FNDC3B: variants seen among roughly 807,000 people sequenced by gnomAD.
The protein encoded by FNDC3B is fibronectin type III domain containing 3B.
Under a neutral mutation model 151.5 loss-of-function variants are expected in FNDC3B, and 12 were observed. That is an observed-to-expected ratio of 0.08 (90% CI 0.05 to 0.13). FNDC3B has a LOEUF of 0.13. Ranked by LOEUF, FNDC3B falls within the 10% of genes least tolerant of loss-of-function variation. The pLI, the probability that FNDC3B is intolerant of heterozygous loss-of-function variation, is 1.00. For missense variants in FNDC3B, 1,214 were observed against 1,505.3 expected, an observed-to-expected ratio of 0.81 and a Z score of 3.20; for synonymous variants, 528 against 549.0, an observed-to-expected ratio of 0.96 and a Z score of 0.54.
chr3:172,204,389 G>A (rs543208495), intron 3 of FNDC3B, among the ~76,000 whole-genome samples: 1 of 152,276 alleles, frequency 6.6e-6, no homozygotes, highest in East Asian at 1.9e-4. Flanking sequence ...GGCTGCCTTG[G>A]CAAATAGAAT....
At chr3:172,286,089 C>T (rs1221062909) in intron 7 of FNDC3B, 105 bp downstream of exon 7, 11 of 781,810 alleles carry the variant, frequency 1.4e-5, no homozygotes, top group Non-Finnish European at 2.4e-5. Context: ...GGGCTCTTTC[C>T]CTTTGCAGAT....
intron 11 of FNDC3B, among the ~76,000 whole-genome samples, chr3:172,325,698 G>A (rs542363662): frequency 2.0e-5 from 3 of 152,334 alleles, no homozygotes; most frequent in Middle Eastern, 3.4e-3. Context: ...AGACCAGCAC[G>A]CTGGCATCGG....
intron 6 of FNDC3B, among the ~76,000 whole-genome samples, chr3:172,277,513 T>A (rs1004461499): frequency 2.6e-5 from 4 of 152,222 alleles, no homozygotes; most frequent in Non-Finnish European, 4.4e-5. Context: ...TCTAATTACC[T>A]TCTAATGCCA....
intron 3 of FNDC3B, among the ~76,000 whole-genome samples, chr3:172,190,553 A>G: frequency 6.6e-6 from 1 of 152,356 alleles, no homozygotes; most frequent in Non-Finnish European, 1.5e-5. Flanking sequence ...TGGATAAACT[A>G]ATTAAACCAT....
At chr3:172,134,453 G>A in intron 3 of FNDC3B, 2 of 503,188 alleles carry the variant, frequency 4.0e-6, no homozygotes, top group Non-Finnish European at 8.0e-6. Flanking sequence ...TCAGTATTAG[G>A]TTATTAATTG....
intron 3 of FNDC3B, among the ~76,000 whole-genome samples, chr3:172,223,094 T>C (rs2108734793): frequency 2.0e-5 from 3 of 152,360 alleles, no homozygotes; most frequent in Middle Eastern, 6.8e-3. Context: ...TAGCAGACTT[T>C]TAGGAACTTT....
intron 21 of FNDC3B, among the ~76,000 whole-genome samples, chr3:172,348,988 G>A (rs1486296074): frequency 3.3e-5 from 5 of 152,114 alleles, no homozygotes; most frequent in Non-Finnish European, 7.4e-5. Context: ...TGAATATATG[G>A]CACTTAAGAA....
At chr3:172,093,260 ATTTTTTTTTT>A (rs750469529) in intron 1 of FNDC3B, among the ~76,000 whole-genome samples, 1 of 138,498 alleles carries the variant, frequency 7.2e-6, no homozygotes, top group Non-Finnish European at 1.6e-5. Context: ...CACCCAGCTA[ATTTTTTTTTT>A]TTTTTTGAGA....
chr3:172,135,747 C>A (rs924794517), intron 3 of FNDC3B, among the ~76,000 whole-genome samples: 5 of 152,100 alleles, frequency 3.3e-5, no homozygotes, highest in African/African-American at 4.8e-5. Context: ...AGGCTGAACC[C>A]CAAATTCAGA....
intron 23 of FNDC3B, among the ~76,000 whole-genome samples, chr3:172,367,814 A>T (rs1030679607): frequency 6.6e-6 from 1 of 152,194 alleles, no homozygotes; most frequent in African/African-American, 2.4e-5. Flanking sequence ...GTTTAGTCAG[A>T]CAGCCAGTGT....
At chr3:172,194,378 A>C (rs1394363684) in intron 3 of FNDC3B, among the ~76,000 whole-genome samples, 1 of 150,544 alleles carries the variant, frequency 6.6e-6, no homozygotes, top group Non-Finnish European at 1.5e-5. Context: ...CTTGTCGTTG[A>C]TGGATGACCT....
chr3:172,268,606 C>G (rs1164599773), intron 6 of FNDC3B, among the ~76,000 whole-genome samples: 1 of 152,084 alleles, frequency 6.6e-6, no homozygotes, highest in Non-Finnish European at 1.5e-5. Context: ...CACAGCTCTC[C>G]GTGTAGCCAG....
At chr3:172,372,462 G>A (rs556482684) in intron 23 of FNDC3B, among the ~76,000 whole-genome samples, 256 of 152,284 alleles carry the variant, frequency 1.7e-3, no homozygotes, top group African/African-American at 3.4e-3. Flanking sequence ...TCCAGGAACC[G>A]CTATATATAC....
chr3:172,397,114 ACAACAG>A (rs1206482159), intron 25 of FNDC3B, 44 bp from the exon 26 acceptor site: 1 of 1,428,848 alleles, frequency 7.0e-7, no homozygotes, highest in Non-Finnish European at 9.5e-7. Context: ...TCTTCTAGAG[ACAACAG>A]TGTTGCTATA....
At chr3:172,281,334 A>C (rs11715225) in intron 6 of FNDC3B, among the ~76,000 whole-genome samples, 14,617 of 151,398 alleles carry the variant, frequency 0.097, 776 homozygotes, top group African/African-American at 0.14. Context: ...CAACCTCCAC[A>C]TCCCGGGTTC....
At chr3:172,323,438 G>T (rs767485943) in intron 11 of FNDC3B, among the ~76,000 whole-genome samples, 12 of 152,170 alleles carry the variant, frequency 7.9e-5, no homozygotes, top group Non-Finnish European at 1.8e-4. Flanking sequence ...CTTGAGTCCA[G>T]CAGTTTGAGG....
rs192019662 is a variant in FNDC3B at position 172,133,708 on chromosome 3, A to G, written c.187+162A>G. 50 of 688,726 alleles carry G rather than the reference A, an allele frequency of 7.3e-5. 2 individuals are homozygous for G. In the African/African-American group the frequency reaches 7.3e-4, roughly 10 times the overall value. The allele number at this position is 688,726 out of a possible 1,614,324, so 42.7% of individuals were successfully genotyped here. A position where few individuals can be genotyped will look rare whatever the true frequency, so the allele number is the denominator to read the frequency against. On this transcript the variant is annotated intron_variant, in intron 3 of 25. Transcript: ENST00000415807. The stretch of plus-strand genomic sequence containing the variant: ...TGTCGCATGGTCTCAAATATATATT[A>G]TGATGTTATCCAAAGGACATTTTTA...
chr3:172,332,998 A>G, intron 13 of FNDC3B, 91 bp from the exon 14 acceptor site: 1 of 826,512 alleles, frequency 1.2e-6, no homozygotes, highest in Non-Finnish European at 2.1e-6. Flanking sequence ...TGGTGATGGT[A>G]GGGAAAGGCA....
At chr3:172,194,615 A>G (rs1482291463) in intron 3 of FNDC3B, among the ~76,000 whole-genome samples, 1 of 152,238 alleles carries the variant, frequency 6.6e-6, no homozygotes, top group Admixed American at 6.5e-5. Context: ...GATCATATAC[A>G]TAGCTTCACA....
Sources: allele counts gnomAD v4.1 joint callset (sites outside exome capture counted in the v4.1 genomes callset), GRCh38; gene constraint gnomAD v4.1.1; transcripts MANE v1.5; gene names NCBI Gene and HGNC (gene_info 2026-07-23, HGNC 2026-07-21).